The following PARD3 variants were observed in gnomAD, a reference collection of about 807,000 sequenced individuals.
PARD3 encodes the protein par-3 family cell polarity regulator.
A neutral mutation model predicts 155.4 loss-of-function variants in PARD3; 75 were observed. That is an observed-to-expected ratio of 0.48 (90% CI 0.40 to 0.58). The LOEUF is 0.58. PARD3 is among the 20% of genes least tolerant of loss of function. The pLI, the probability that PARD3 is intolerant of heterozygous loss-of-function variation, is 0.00. For synonymous variants in PARD3, 576 were observed against 610.5 expected (o/e 0.94, Z 0.83); for missense variants, 1,642 against 1,721.7 (o/e 0.95, Z 0.82).
intron 2 of PARD3, among the ~76,000 whole-genome samples, chr10:34,531,019 T>C (rs1156803961): frequency 6.6e-6 from 1 of 152,208 alleles, no homozygotes; most frequent in South Asian, 2.1e-4. Flanking sequence ...GTGTTCCCAG[T>C]GTCCAGGCCT....
chr10:34,681,752 ATATATATATATATATATTTT>A (rs2093834600), intron 2 of PARD3, among the ~76,000 whole-genome samples: 7 of 19,148 alleles, frequency 3.7e-4, no homozygotes, highest in African/African-American at 9.6e-4. Context: ...ATATATATAT[ATATATATATATATATATTTT>A]TTTTTTTTTT....
intron 1 of PARD3, among the ~76,000 whole-genome samples, chr10:34,808,646 T>A (rs4934667): frequency 0.75 from 113,881 of 152,008 alleles, 43,223 homozygotes; most frequent in African/African-American, 0.84. Context: ...CCATCCTTGA[T>A]AAAAAATACC....
chr10:34,540,511 T>C (rs71487369), intron 2 of PARD3, among the ~76,000 whole-genome samples: 7 of 152,052 alleles, frequency 4.6e-5, no homozygotes, highest in Non-Finnish European at 7.4e-5. Flanking sequence ...TCCCAGGACT[T>C]AGGGAGGCTG....
intron 22 of PARD3, among the ~76,000 whole-genome samples, chr10:34,201,228 C>A (rs993817563): frequency 6.6e-6 from 1 of 152,128 alleles, no homozygotes; most frequent in African/African-American, 2.4e-5. Context: ...ATAAAGGGAA[C>A]CAAGGCAGGT....
chr10:34,788,346 C>T (rs1221023240), intron 1 of PARD3, among the ~76,000 whole-genome samples: 1 of 152,162 alleles, frequency 6.6e-6, no homozygotes, highest in Non-Finnish European at 1.5e-5. Context: ...CACTCTGCTC[C>T]ATTAACATGG....
intron 2 of PARD3, among the ~76,000 whole-genome samples, chr10:34,635,218 C>T (rs191939550): frequency 6.6e-6 from 1 of 152,348 alleles, no homozygotes; most frequent in East Asian, 1.9e-4. Flanking sequence ...GTGCTCTCAG[C>T]CCACCATGTT....
chr10:34,568,539 T>G (rs1590050453), intron 2 of PARD3, among the ~76,000 whole-genome samples: 1 of 152,320 alleles, frequency 6.6e-6, no homozygotes, highest in Non-Finnish European at 1.5e-5. Context: ...GGGGTTTAAT[T>G]TTTACAAAGA....
At chr10:34,390,297 A>G (rs1842761786) in intron 7 of PARD3, among the ~76,000 whole-genome samples, 3 of 152,172 alleles carry the variant, frequency 2.0e-5, no homozygotes, top group South Asian at 2.1e-4. Context: ...GATTCATGAT[A>G]TAAGAGGAAA....
chr10:34,576,876 T>C (rs1413070242), intron 2 of PARD3, among the ~76,000 whole-genome samples: 2 of 152,198 alleles, frequency 1.3e-5, no homozygotes, highest in African/African-American at 4.8e-5. Context: ...AATCTGGTTT[T>C]CAACATCACA....
At chr10:34,488,455 G>A (rs184302591) in intron 3 of PARD3, 2 of 152,098 alleles carry the variant, frequency 1.3e-5, no homozygotes, top group Admixed American at 1.3e-4. Context: ...GAGCAGCTGG[G>A]ACCACAGGCA....
chr10:34,781,539 A>G (rs1221208159), intron 1 of PARD3, among the ~76,000 whole-genome samples: 1 of 152,200 alleles, frequency 6.6e-6, no homozygotes, highest in Non-Finnish European at 1.5e-5. Flanking sequence ...TTTTAGGAAA[A>G]GGTTAGTATG....
At chr10:34,628,484 C>T (rs2092096285) in intron 2 of PARD3, among the ~76,000 whole-genome samples, 3 of 152,216 alleles carry the variant, frequency 2.0e-5, no homozygotes. Context: ...TATCCTCTGT[C>T]CCAAGAATCG....
chr10:34,705,681 G>A (rs1291046867), intron 1 of PARD3, among the ~76,000 whole-genome samples: 1 of 152,010 alleles, frequency 6.6e-6, no homozygotes, highest in Non-Finnish European at 1.5e-5. Flanking sequence ...ACAAGGGAGG[G>A]ACTAATATCT....
intron 1 of PARD3, among the ~76,000 whole-genome samples, chr10:34,713,218 A>AAATTAATT (rs71033339): frequency 2.0e-5 from 3 of 151,210 alleles, no homozygotes; most frequent in Middle Eastern, 3.4e-3. Context: ...TCTCAAAAAT[A>AAATTAATT]AATTAATTAA....
intron 3 of PARD3, among the ~76,000 whole-genome samples, chr10:34,485,688 A>T (rs1450171684): frequency 6.6e-6 from 1 of 152,086 alleles, no homozygotes; most frequent in Non-Finnish European, 1.5e-5. Flanking sequence ...TGCAGATGAA[A>T]CCTCCAGGTA....
At chr10:34,811,346 G>GCCCT (rs2134430137) in intron 1 of PARD3, among the ~76,000 whole-genome samples, 1 of 152,244 alleles carries the variant, frequency 6.6e-6, no homozygotes, top group East Asian at 1.9e-4. Context: ...TTCCTGGAAT[G>GCCCT]CCCTCCCTTT....
intron 12 of PARD3, among the ~76,000 whole-genome samples, chr10:34,371,503 A>AAAAAC (rs1840624972): frequency 2.3e-5 from 2 of 86,608 alleles, no homozygotes; most frequent in African/African-American, 6.6e-5. Flanking sequence ...AAAAAAAAAA[A>AAAAAC]AAAAAAAAAA....
In PARD3 at chr10:34,374,874, C is replaced by T; in HGVS notation, c.1668G>A (p.Leu556=). ...TTTCATCTACTCTAAATTTACACAC[C>T]AGTTCCCTTGGGTGGAAGGCGTCTT... ...RQEDAFHPRE[L]NAEPSQMQIP... Residue 556 remains leucine, a splice_region_variant and synonymous_variant, in exon 11 of 25, where the codon CTG becomes CTA. Transcript: ENST00000374788. The T allele has an allele frequency of 6.2e-7, 1 of 1,613,806 alleles. No homozygotes were observed. Among genetic ancestry groups the T allele is most frequent in the Non-Finnish European group, 8.5e-7 (1 of 1,179,820 alleles).
At chr10:34,730,513 G>T (rs1244132390) in intron 1 of PARD3, among the ~76,000 whole-genome samples, 1 of 152,208 alleles carries the variant, frequency 6.6e-6, no homozygotes, top group East Asian at 1.9e-4. Flanking sequence ...TCCATGGCTA[G>T]GAGCTCACGC....
Sources: allele counts gnomAD v4.1 joint callset (sites outside exome capture counted in the v4.1 genomes callset), GRCh38; gene constraint gnomAD v4.1.1; transcripts MANE v1.5; gene names NCBI Gene and HGNC (gene_info 2026-07-23, HGNC 2026-07-21).